Variants in TTBK2 observed in about 807,000 individuals in gnomAD.
TTBK2 encodes the protein tau-tubulin kinase 2.
In TTBK2, 28 loss-of-function variants were observed where a neutral mutation model predicts 110.8. That is an observed-to-expected ratio of 0.25 (90% CI 0.19 to 0.35). The LOEUF is 0.35. Ranked by LOEUF, TTBK2 falls within the 10% of genes least tolerant of loss-of-function variation. The pLI, the probability that TTBK2 is intolerant of heterozygous loss-of-function variation, is 1.00. For missense variants in TTBK2, 1,369 were observed against 1,500.3 expected, an observed-to-expected ratio of 0.91 and a Z score of 1.45; for synonymous variants, 532 against 527.3, an observed-to-expected ratio of 1.01 and a Z score of -0.12.
chr15:42,884,634 A>T (rs1895172685), intron 1 of TTBK2, among the ~76,000 whole-genome samples: 1 of 152,190 alleles, frequency 6.6e-6, no homozygotes, highest in Non-Finnish European at 1.5e-5. Flanking sequence ...CCCCACTCAC[A>T]AGCTCTGGGG....
At chr15:42,795,584 A>T (rs1483568792) in intron 9 of TTBK2, among the ~76,000 whole-genome samples, 1 of 152,096 alleles carries the variant, frequency 6.6e-6, no homozygotes, top group East Asian at 1.9e-4. Flanking sequence ...CAGACCTGAA[A>T]TCAGCACTTC....
intron 3 of TTBK2, among the ~76,000 whole-genome samples, chr15:42,847,860 T>C (rs1025337543): frequency 3.9e-4 from 60 of 152,218 alleles, no homozygotes; most frequent in Admixed American, 3.9e-3. Context: ...TTTGCTTATA[T>C]TTTATATTTT....
chr15:42,755,893 G>A (rs1267991146), intron 13 of TTBK2, among the ~76,000 whole-genome samples: 2 of 152,094 alleles, frequency 1.3e-5, no homozygotes, highest in African/African-American at 4.8e-5. Context: ...CAAGGGAGAT[G>A]ATAACCTATA....
intron 11 of TTBK2, among the ~76,000 whole-genome samples, chr15:42,779,501 A>G (rs1890089441): frequency 6.6e-6 from 1 of 152,142 alleles, no homozygotes; most frequent in Non-Finnish European, 1.5e-5. Flanking sequence ...TAAACTAAGT[A>G]CATTTATAGA....
intron 4 of TTBK2, among the ~76,000 whole-genome samples, chr15:42,838,069 G>A (rs541874317): frequency 3.9e-5 from 6 of 152,106 alleles, no homozygotes; most frequent in South Asian, 2.1e-4. Flanking sequence ...GTAGCGAGGC[G>A]TGGTGGCGAC....
intron 3 of TTBK2, among the ~76,000 whole-genome samples, chr15:42,865,380 A>AG (rs562747284): frequency 1.1e-3 from 175 of 152,218 alleles, no homozygotes; most frequent in Admixed American, 3.1e-3. Flanking sequence ...GGATCACTTG[A>AG]GCCCAGGAGG....
intron 10 of TTBK2, among the ~76,000 whole-genome samples, chr15:42,788,579 C>T (rs1890509775): frequency 2.0e-5 from 3 of 152,250 alleles, no homozygotes; most frequent in African/African-American, 7.2e-5. Flanking sequence ...ATTCTGGTGA[C>T]TAAATATTAA....
At chr15:42,901,608 T>G (rs1433204265) in intron 1 of TTBK2, among the ~76,000 whole-genome samples, 1 of 144,686 alleles carries the variant, frequency 6.9e-6, no homozygotes, top group Non-Finnish European at 1.5e-5. Flanking sequence ...TAGCGAGACC[T>G]CGTCTCTAAA....
At chr15:42,763,157 C>CATACATAT (rs1889132707) in intron 13 of TTBK2, among the ~76,000 whole-genome samples, 4 of 20,464 alleles carry the variant, frequency 2.0e-4, no homozygotes, top group Admixed American at 1.1e-3. Context: ...TATATATATA[C>CATACATAT]ATATATATAT....
intron 9 of TTBK2, among the ~76,000 whole-genome samples, chr15:42,797,906 C>A (rs774012430): frequency 3.2e-4 from 49 of 151,880 alleles, no homozygotes; most frequent in African/African-American, 9.7e-4. Flanking sequence ...ATTTTTGAGA[C>A]GGAGTCTCAC....
At chr15:42,808,845 C>A (rs181682141) in intron 9 of TTBK2, among the ~76,000 whole-genome samples, 2 of 151,974 alleles carry the variant, frequency 1.3e-5, no homozygotes, top group African/African-American at 4.8e-5. Context: ...ACCGAGACCC[C>A]GTCTCAAAAA....
intron 9 of TTBK2, among the ~76,000 whole-genome samples, chr15:42,798,828 G>C (rs1891054768): frequency 2.0e-5 from 3 of 152,190 alleles, no homozygotes; most frequent in Admixed American, 2.0e-4. Flanking sequence ...GGGAAGAGAA[G>C]CAGTTAAGTG....
chr15:42,789,260 T>C (rs1047022366), intron 10 of TTBK2, among the ~76,000 whole-genome samples: 1 of 151,574 alleles, frequency 6.6e-6, no homozygotes, highest in African/African-American at 2.4e-5. Context: ...ATTCTCAATC[T>C]CTGTGTATTT....
intron 13 of TTBK2, among the ~76,000 whole-genome samples, chr15:42,774,662 C>T (rs529877038): frequency 5.9e-5 from 9 of 151,994 alleles, no homozygotes; most frequent in Admixed American, 1.3e-4. Context: ...AGAAAATTAC[C>T]GTTTAACAGG....
intron 1 of TTBK2, among the ~76,000 whole-genome samples, chr15:42,893,661 G>A (rs1286497741): frequency 6.8e-5 from 8 of 117,260 alleles, no homozygotes; most frequent in East Asian, 2.2e-4. Context: ...AACCAGAAAC[G>A]TCATAGAAAA....
At chr15:42,847,888 T>C (rs1434237237) in intron 3 of TTBK2, among the ~76,000 whole-genome samples, 5 of 152,218 alleles carry the variant, frequency 3.3e-5, no homozygotes, top group African/African-American at 1.2e-4. Flanking sequence ...GATCTCACTT[T>C]GTCACCTAGG....
chr15:42,851,729 G>A (rs1015719722), intron 3 of TTBK2, among the ~76,000 whole-genome samples: 40 of 151,850 alleles, frequency 2.6e-4, no homozygotes, highest in Non-Finnish European at 1.9e-4. Flanking sequence ...TAGATATATA[G>A]AGCTGATTAT....
chr15:42,839,132 T>A (rs192236592), intron 4 of TTBK2, among the ~76,000 whole-genome samples: 1 of 152,172 alleles, frequency 6.6e-6, no homozygotes, highest in Non-Finnish European at 1.5e-5. Flanking sequence ...TGGTGTCTAT[T>A]GTCCCCCTCT....
chr15:42,819,064 A>G (rs1168987081), intron 6 of TTBK2, among the ~76,000 whole-genome samples: 1 of 151,504 alleles, frequency 6.6e-6, no homozygotes, highest in Non-Finnish European at 1.5e-5. Flanking sequence ...AAATGATCAT[A>G]GACACACTTT....
Sources: allele counts gnomAD v4.1 joint callset (sites outside exome capture counted in the v4.1 genomes callset), GRCh38; gene constraint gnomAD v4.1.1; transcripts MANE v1.5; gene names NCBI Gene and HGNC (gene_info 2026-07-23, HGNC 2026-07-21).